BACE2: variants seen among roughly 807,000 people sequenced by gnomAD.
The protein encoded by BACE2 is beta-secretase 2, also known as 56 kDa aspartic-like protease.
BACE2 carries 17 observed loss-of-function variants against 46.2 expected under a neutral mutation model. That is an observed-to-expected ratio of 0.37 (90% confidence interval 0.25 to 0.55). BACE2 has a LOEUF of 0.55. BACE2 is among the 20% of genes least tolerant of loss of function. The probability of loss-of-function intolerance (pLI) is 0.82; values close to 1 mark genes in which losing one functional copy is unlikely to be tolerated. For synonymous variants in BACE2, 277 were observed against 295.9 expected (o/e 0.94, Z 0.66); for missense variants, 595 against 698.1 (o/e 0.85, Z 1.66).
chr21:41,177,771 C>T (rs1036456316), intron 1 of BACE2: 1 of 152,232 alleles, frequency 6.6e-6, no homozygotes, highest in African/African-American at 2.4e-5. Context: ...ACAGCAACAA[C>T]AGAAAACCCA....
At chr21:41,262,293 TG>T (rs1987959303) in intron 8 of BACE2, among the ~76,000 whole-genome samples, 1 of 152,186 alleles carries the variant, frequency 6.6e-6, no homozygotes, top group Non-Finnish European at 1.5e-5. Context: ...TTGAGTTAAA[TG>T]TTTTTTTGCA....
intron 1 of BACE2, among the ~76,000 whole-genome samples, chr21:41,205,236 TACTC>T (rs1986089534): frequency 6.6e-6 from 1 of 152,372 alleles, no homozygotes; most frequent in Non-Finnish European, 1.5e-5. Flanking sequence ...ATCATTAACA[TACTC>T]ACATACAATT....
intron 7 of BACE2, among the ~76,000 whole-genome samples, chr21:41,255,365 G>A (rs147333098): frequency 6.6e-6 from 1 of 152,288 alleles, no homozygotes; most frequent in Non-Finnish European, 1.5e-5. Flanking sequence ...AGATTGAGAG[G>A]AGGCCAGAGC....
chr21:41,185,348 G>A (rs1387709398), intron 1 of BACE2: 1 of 152,336 alleles, frequency 6.6e-6, no homozygotes, highest in Non-Finnish European at 1.5e-5. Flanking sequence ...TGCCCAAGGG[G>A]AGACCTCAGA....
chr21:41,263,848 A>T (rs778472266), intron 8 of BACE2, among the ~76,000 whole-genome samples: 12 of 152,174 alleles, frequency 7.9e-5, no homozygotes, highest in Non-Finnish European at 1.8e-4. Context: ...ATCGTGCTAT[A>T]CCCTTTACAC....
chr21:41,245,918 G>A (rs369886252), intron 5 of BACE2, 44 bp from the exon 6 acceptor site: 86 of 1,481,924 alleles, frequency 5.8e-5, no homozygotes, highest in Admixed American at 1.8e-4. Context: ...GGCGGGGAGC[G>A]CCACTGTCAC....
At chr21:41,174,432 C>T (rs116051585) in intron 1 of BACE2, among the ~76,000 whole-genome samples, 1,990 of 152,114 alleles carry the variant, frequency 0.013, 57 homozygotes, top group African/African-American at 0.046. Flanking sequence ...TGAGCCACCG[C>T]GCGGCCAAGT....
intron 1 of BACE2, chr21:41,178,776 C>G (rs1171275183): frequency 4.9e-6 from 1 of 204,300 alleles, no homozygotes; most frequent in Non-Finnish European, 9.9e-6. Context: ...GGGCCTTGGT[C>G]TAAGCCCTGG....
intron 8 of BACE2, among the ~76,000 whole-genome samples, chr21:41,257,596 G>A (rs560991846): frequency 1.9e-4 from 29 of 152,136 alleles, no homozygotes; most frequent in African/African-American, 6.8e-4. Flanking sequence ...AAAATATGCC[G>A]TGAAACCTTG....
intron 1 of BACE2, among the ~76,000 whole-genome samples, chr21:41,219,813 CAGA>C (rs2123561844): frequency 6.6e-6 from 1 of 152,354 alleles, no homozygotes; most frequent in East Asian, 1.9e-4. Context: ...ACGATCAACA[CAGA>C]AGACTTCCGG....
At chr21:41,252,137 C>T (rs1163109686) in intron 7 of BACE2, among the ~76,000 whole-genome samples, 1 of 152,198 alleles carries the variant, frequency 6.6e-6, no homozygotes, top group Non-Finnish European at 1.5e-5. Context: ...CGAGCCTCCC[C>T]TGCTATGAGT....
intron 1 of BACE2, among the ~76,000 whole-genome samples, chr21:41,174,174 C>T (rs1180802408): frequency 4.0e-5 from 3 of 75,814 alleles, no homozygotes; most frequent in Non-Finnish European, 6.5e-5. Flanking sequence ...TAAACAGTCT[C>T]GCTCTGTTGC....
chr21:41,254,874 G>A (rs1987735930), intron 7 of BACE2, among the ~76,000 whole-genome samples: 1 of 152,234 alleles, frequency 6.6e-6, no homozygotes, highest in Admixed American at 6.5e-5. Flanking sequence ...CCGTCAGGCT[G>A]CCTACTTTTA....
At chr21:41,257,056 G>C in intron 7 of BACE2, 102 bp from the exon 8 acceptor site, 1 of 1,334,014 alleles carries the variant, frequency 7.5e-7, no homozygotes, top group Non-Finnish European at 1.1e-6. Flanking sequence ...TCCCCCCAGC[G>C]CCTGGGAGGG....
intron 1 of BACE2, among the ~76,000 whole-genome samples, chr21:41,206,952 G>A (rs184718418): frequency 2.0e-5 from 3 of 152,232 alleles, no homozygotes; most frequent in East Asian, 3.9e-4. Flanking sequence ...TTAAAATTGT[G>A]ACAAAATTTG....
chr21:41,192,344 C>T (rs1387182197), intron 1 of BACE2, among the ~76,000 whole-genome samples: 1 of 152,206 alleles, frequency 6.6e-6, no homozygotes, highest in Non-Finnish European at 1.5e-5. Context: ...ATGTAACTTA[C>T]TTGTGCCTTC....
intron 1 of BACE2, among the ~76,000 whole-genome samples, chr21:41,225,050 C>G (rs940438477): frequency 6.6e-6 from 1 of 152,026 alleles, no homozygotes; most frequent in Non-Finnish European, 1.5e-5. Context: ...CTGGCTAACA[C>G]GGTGAAACCC....
chr21:41,244,785 G>T (rs1479641862), intron 5 of BACE2, among the ~76,000 whole-genome samples: 1 of 152,104 alleles, frequency 6.6e-6, no homozygotes, highest in Non-Finnish European at 1.5e-5. Flanking sequence ...TGTGTTTATT[G>T]TCAAGAGGCA....
At chr21:41,260,095 TC>T (rs1388089603) in intron 8 of BACE2, among the ~76,000 whole-genome samples, 1 of 151,080 alleles carries the variant, frequency 6.6e-6, no homozygotes, top group Non-Finnish European at 1.5e-5. Context: ...CGCCGTGGCC[TC>T]CCAAAGTGCT....
Sources: allele counts gnomAD v4.1 joint callset (sites outside exome capture counted in the v4.1 genomes callset), GRCh38; gene constraint gnomAD v4.1.1; transcripts MANE v1.5; gene names NCBI Gene and HGNC (gene_info 2026-07-23, HGNC 2026-07-21).